The following LRP1B variants were observed in gnomAD, a reference collection of about 807,000 sequenced individuals.
LRP1B encodes the protein low-density lipoprotein receptor-related protein 1B.
In LRP1B, 217 loss-of-function variants were observed where a neutral mutation model predicts 556.6. That is an observed-to-expected ratio of 0.39 (90% CI 0.35 to 0.44). The LOEUF (loss-of-function observed/expected upper bound fraction) is 0.44. Ranked by LOEUF, LRP1B falls within the 20% of genes least tolerant of loss-of-function variation. The probability of loss-of-function intolerance (pLI) is 1.00; values close to 1 mark genes in which losing one functional copy is unlikely to be tolerated. For synonymous variants in LRP1B, 2,047 were observed against 1,865.8 expected (o/e 1.10, Z -2.50); for missense variants, 5,053 against 5,620.8 (o/e 0.90, Z 3.23).
chr2:140,874,674 C>T (rs1338394111), intron 25 of LRP1B, among the ~76,000 whole-genome samples: 1 of 151,412 alleles, frequency 6.6e-6, no homozygotes, highest in Non-Finnish European at 1.5e-5. Flanking sequence ...TCTGTACGTG[C>T]TTTTAAAGTA....
chr2:140,363,008 C>G (rs1682589577), intron 72 of LRP1B, among the ~76,000 whole-genome samples: 1 of 151,610 alleles, frequency 6.6e-6, no homozygotes, highest in South Asian at 2.1e-4. Flanking sequence ...ATGCTATTCA[C>G]TTTGCTTAAG....
chr2:140,353,055 CCAAA>C lies in LRP1B; in HGVS notation c.11544_11547del (p.Cys3848TrpfsTer11). ...CATTGATGGGAACATGTGCCAAACA[CCAAA>C]CATTCATTAAGGTCTAGAAAAGAAG... On this transcript the variant is annotated frameshift_variant, in exon 76 of 91. Coordinates refer to ENST00000389484, the MANE Select transcript of LRP1B (RefSeq NM_018557.3). LOFTEE classifies it high-confidence loss of function. 6.2e-7 allele frequency: 1 copy of C among 1,612,834 alleles called. No individual in the cohort carries two copies. Among genetic ancestry groups the C allele is most frequent in the Non-Finnish European group, 8.5e-7 (1 of 1,179,350 alleles).
chr2:141,413,428 G>C (rs1461971014), intron 3 of LRP1B, among the ~76,000 whole-genome samples: 1 of 152,106 alleles, frequency 6.6e-6, no homozygotes, highest in African/African-American at 2.4e-5. Flanking sequence ...AATGTGGGAG[G>C]CCTCTAGAAG....
At chr2:141,384,415 A>G (rs1689755797) in intron 3 of LRP1B, among the ~76,000 whole-genome samples, 1 of 152,158 alleles carries the variant, frequency 6.6e-6, no homozygotes, top group Admixed American at 6.5e-5. Flanking sequence ...GGAAAGACAA[A>G]TATATTTAAG....
chr2:141,545,144 A>T (rs1426947441), intron 2 of LRP1B, among the ~76,000 whole-genome samples: 1 of 152,226 alleles, frequency 6.6e-6, no homozygotes, highest in Non-Finnish European at 1.5e-5. Flanking sequence ...ATTAAGAATC[A>T]AAAGCTATAA....
chr2:141,069,509 G>C (rs981417972), intron 7 of LRP1B, among the ~76,000 whole-genome samples: 5 of 152,028 alleles, frequency 3.3e-5, no homozygotes, highest in Non-Finnish European at 5.9e-5. Flanking sequence ...CTATCAGCAA[G>C]AGAAAGGCTG....
chr2:141,640,560 T>C (rs1689292972), intron 2 of LRP1B, among the ~76,000 whole-genome samples: 1 of 152,132 alleles, frequency 6.6e-6, no homozygotes, highest in African/African-American at 2.4e-5. Context: ...ATCCCAGCAC[T>C]TTAGAAGACC....
chr2:140,517,709 C>CTTTTTTTTTT, intron 49 of LRP1B, among the ~76,000 whole-genome samples: 9 of 125,440 alleles, frequency 7.2e-5, no homozygotes, highest in Admixed American at 9.2e-5. Context: ...TTTATCTTTC[C>CTTTTTTTTTT]TTTTTTTTTT....
At chr2:141,595,182 T>C (rs2105300265) in intron 2 of LRP1B, among the ~76,000 whole-genome samples, 1 of 152,230 alleles carries the variant, frequency 6.6e-6, no homozygotes, top group Non-Finnish European at 1.5e-5. Flanking sequence ...GAAGATGAAA[T>C]ATAAGAATGC....
intron 35 of LRP1B, among the ~76,000 whole-genome samples, chr2:140,766,086 A>C (rs911759051): frequency 6.6e-6 from 1 of 152,022 alleles, no homozygotes; most frequent in African/African-American, 2.4e-5. Flanking sequence ...TTTGATCCTA[A>C]TGTAGAGATT....
At chr2:141,952,149 C>A (rs1241979049) in intron 1 of LRP1B, among the ~76,000 whole-genome samples, 1 of 151,134 alleles carries the variant, frequency 6.6e-6, no homozygotes, top group African/African-American at 2.4e-5. Flanking sequence ...TGGTTTCCAG[C>A]TTCATCCATG....
intron 3 of LRP1B, among the ~76,000 whole-genome samples, chr2:141,272,856 T>C (rs1558973743): frequency 6.6e-6 from 1 of 152,104 alleles, no homozygotes; most frequent in African/African-American, 2.4e-5. Flanking sequence ...ATATAGAGAA[T>C]TCAAGAAAAA....
intron 2 of LRP1B, among the ~76,000 whole-genome samples, chr2:141,680,942 C>A (rs968011845): frequency 6.6e-6 from 1 of 151,970 alleles, no homozygotes; most frequent in African/African-American, 2.4e-5. Context: ...GAAAATGGTG[C>A]GTTGCATTTT....
chr2:141,821,968 G>A (rs769317946), intron 1 of LRP1B, among the ~76,000 whole-genome samples: 1 of 151,892 alleles, frequency 6.6e-6, no homozygotes, highest in Non-Finnish European at 1.5e-5. Context: ...GAGAATGTAG[G>A]GATTTTGTTC....
intron 20 of LRP1B, among the ~76,000 whole-genome samples, chr2:140,923,535 A>G (rs977352719): frequency 6.6e-6 from 1 of 152,080 alleles, no homozygotes; most frequent in Non-Finnish European, 1.5e-5. Flanking sequence ...AATCTTAATG[A>G]TAAGACCTTG....
intron 1 of LRP1B, among the ~76,000 whole-genome samples, chr2:142,025,701 C>G (rs1465096117): frequency 6.6e-6 from 1 of 152,120 alleles, no homozygotes; most frequent in Non-Finnish European, 1.5e-5. Flanking sequence ...AAGGGCAACT[C>G]TCTTCCTGTA....
intron 3 of LRP1B, among the ~76,000 whole-genome samples, chr2:141,387,655 A>G (rs1323486529): frequency 6.6e-6 from 1 of 152,166 alleles, no homozygotes; most frequent in East Asian, 1.9e-4. Context: ...AAGTAAAGAG[A>G]TAGAATCAAT....
chr2:141,891,369 T>A (rs1156242002), intron 1 of LRP1B, among the ~76,000 whole-genome samples: 1 of 152,140 alleles, frequency 6.6e-6, no homozygotes, highest in Non-Finnish European at 1.5e-5. Flanking sequence ...ATGCTCCTTA[T>A]CTAATAATTT....
At chr2:141,141,999 G>GTTT (rs898064402) in intron 7 of LRP1B, among the ~76,000 whole-genome samples, 2 of 147,692 alleles carry the variant, frequency 1.4e-5, no homozygotes, top group African/African-American at 5.0e-5. Flanking sequence ...AAACGATAGG[G>GTTT]TTTTTTTTTT....
Sources: gnomAD v4.1 joint callset for allele counts (sites outside exome capture counted in the v4.1 genomes callset) on GRCh38, gnomAD v4.1.1 for gene constraint, MANE v1.5 for transcripts, NCBI Gene and HGNC (gene_info 2026-07-23, HGNC 2026-07-21) for gene names.